Variants in TMEM209 observed in about 807,000 individuals in gnomAD.
TMEM209 encodes the protein testicular tissue protein Li 202.
A neutral mutation model predicts 76.2 loss-of-function variants in TMEM209; 65 were observed. The ratio of observed to expected loss-of-function variants is 0.85; its 90% CI spans 0.70 to 1.05. The LOEUF (loss-of-function observed/expected upper bound fraction) is 1.05. TMEM209 is among the 50% of genes least tolerant of loss of function. TMEM209 has a pLI of 0.00. For missense variants in TMEM209, 623 were observed against 685.5 expected, an observed-to-expected ratio of 0.91 and a Z score of 1.02; for synonymous variants, 239 against 237.6, an observed-to-expected ratio of 1.01 and a Z score of -0.06.
chr7:130,179,644 A>T (rs1797346327), intron 9 of TMEM209, among the ~76,000 whole-genome samples: 1 of 152,236 alleles, frequency 6.6e-6, no homozygotes, highest in Non-Finnish European at 1.5e-5. Context: ...TAGAGTACAA[A>T]CTGGTAAAAG....
chr7:130,178,850 A>C (rs538974734), intron 9 of TMEM209, among the ~76,000 whole-genome samples: 19 of 152,062 alleles, frequency 1.2e-4, no homozygotes, highest in African/African-American at 4.6e-4. Context: ...ATCACCACTC[A>C]CTGCAGCCTC....
intron 6 of TMEM209, 134 bp from the exon 7 acceptor site, chr7:130,185,501 A>T (rs956159988): frequency 2.0e-5 from 15 of 744,326 alleles, no homozygotes; most frequent in African/African-American, 1.7e-5. Context: ...TCCCCAACAT[A>T]ATTTTCTCTT....
rs368539344 is a variant in TMEM209, at chr7:130,192,819, G to A, written c.578C>T (p.Ala193Val). The A allele has an allele frequency of 7.4e-5, 120 of 1,613,410 alleles. No homozygotes were observed. Among genetic ancestry groups the A allele is most frequent in the African/African-American group, 7.3e-4 (55 of 75,012 alleles). Residue 193 changes from alanine to valine, a missense_variant, in exon 6 of 15, where the codon GCG (alanine) becomes GTG (valine). Physicochemically the swap from Ala to Val is moderately conservative, Grantham distance 64. Coordinates refer to ENST00000397622, the MANE Select transcript of TMEM209 (RefSeq NM_032842.4). The part of the protein sequence containing the change: ...YSPVSGYNKL[A>V]SFSPSPPSPY... ...AGAAGGAGGAGAGGGGCTAAAGCTCGCCAACTATACAAAATAAAAGATCTT... is the reference window on the plus strand; with the variant it reads ...AGAAGGAGGAGAGGGGCTAAAGCTCACCAACTATACAAAATAAAAGATCTT...
Position 130,204,087 on chromosome 7 carries a change from A to G in TMEM209, c.27T>C (p.Ser9=), listed in dbSNP as rs1798327301. MMQGEAHP[S]ASLIDRTIKM... is the part of the protein sequence containing the mutation. ...TGATGGTTCTGTCAATAAGGGAAGC[A>G]CTAGGGTGTGCCTCCCCCTGCATCT... The change falls in exon 2 of 15, where the codon AGT becomes AGC. Residue 9 remains serine, a synonymous_variant. Coordinates refer to ENST00000397622, the MANE Select transcript of TMEM209 (RefSeq NM_032842.4). 2 of 1,612,224 alleles carry G rather than the reference A, an allele frequency of 1.2e-6. No homozygotes were observed.
At chr7:130,185,166 T>C in intron 7 of TMEM209, 26 bp downstream of exon 7, 4 of 1,592,982 alleles carry the variant, frequency 2.5e-6, no homozygotes, top group Non-Finnish European at 3.4e-6. Flanking sequence ...ATCATAAATA[T>C]TAAGTCACTT....
In TMEM209 at chr7:130,181,671, C is replaced by CA. The variant is rs751707918; in HGVS notation, c.1071dup (p.Val358CysfsTer19). ...CCCATTCGTCTCATCTGTGTGCTGA[C>CA]AGACTCAATCTCTTGAACAAGTGGC... On this transcript the variant is annotated frameshift_variant, in exon 9 of 15. Transcript: ENST00000397622. LOFTEE classifies it high-confidence loss of function. The CA allele has an allele frequency of 1.2e-6, 2 of 1,612,278 alleles. No homozygotes were observed. The highest frequency in any genetic ancestry group is 2.7e-5 in the African/African-American group (2 of 74,928).
At chr7:130,190,526 G>GA (rs1175781487) in intron 6 of TMEM209, among the ~76,000 whole-genome samples, 58 of 70,084 alleles carry the variant, frequency 8.3e-4, no homozygotes, top group East Asian at 3.8e-3. Flanking sequence ...CTCAAAAAAA[G>GA]AAAAAAAAAA....
chr7:130,196,811 A>AT (rs1797997735), intron 5 of TMEM209, among the ~76,000 whole-genome samples: 1 of 152,214 alleles, frequency 6.6e-6, no homozygotes, highest in Non-Finnish European at 1.5e-5. Context: ...AGCCTGTGGC[A>AT]TTTTTTAATG....
chr7:130,192,947 G>A, intron 5 of TMEM209, 124 bp from the exon 6 acceptor site: 1 of 842,896 alleles, frequency 1.2e-6, no homozygotes, highest in East Asian at 2.7e-5. Context: ...AACATCAAAC[G>A]CTGATGAGGT....
intron 13 of TMEM209, among the ~76,000 whole-genome samples, chr7:130,172,573 T>G (rs1797105520): frequency 6.6e-6 from 1 of 152,160 alleles, no homozygotes; most frequent in Admixed American, 6.5e-5. Flanking sequence ...CTCGATCTCC[T>G]GACTTCGTGA....
At chr7:130,171,201 T>TA (rs930091405) in intron 13 of TMEM209, among the ~76,000 whole-genome samples, 7 of 152,088 alleles carry the variant, frequency 4.6e-5, no homozygotes, top group African/African-American at 1.7e-4. Flanking sequence ...AGTGTTGGGA[T>TA]AAAAAAAGCT....
chr7:130,192,917 C>A, intron 5 of TMEM209, 94 bp from the exon 6 acceptor site: 1 of 1,162,904 alleles, frequency 8.6e-7, no homozygotes, highest in Non-Finnish European at 1.2e-6. Context: ...AGTAGAATGG[C>A]GAAAATCCAC....
At chr7:130,203,754 T>C (rs1351108981) in intron 3 of TMEM209, 34 bp downstream of exon 3, 1 of 1,555,232 alleles carries the variant, frequency 6.4e-7, no homozygotes, top group African/African-American at 1.4e-5. Context: ...TTTTTATTGG[T>C]AAATGTAAGT....
intron 6 of TMEM209, among the ~76,000 whole-genome samples, chr7:130,190,133 C>A (rs1385222148): frequency 1.3e-5 from 2 of 152,108 alleles, no homozygotes; most frequent in African/African-American, 4.8e-5. Flanking sequence ...GAGAAGAAAC[C>A]TTTATCTTAC....
Position 130,181,684 on chromosome 7 carries a change from T to C in TMEM209, c.1059A>G (p.Gln353=). The part of the protein sequence containing the change: ...INETILVPLV[Q]EIESVSTQMR... ...TCTGTGTGCTGACAGACTCAATCTCTTGAACAAGTGGCACTAATATTGTCT... is the reference window on the plus strand; with the variant it reads ...TCTGTGTGCTGACAGACTCAATCTCCTGAACAAGTGGCACTAATATTGTCT... The change falls in exon 9 of 15, where the codon CAA becomes CAG. Residue 353 remains glutamine, a synonymous_variant. Coordinates refer to ENST00000397622, the MANE Select transcript of TMEM209 (RefSeq NM_032842.4). 1.2e-6 allele frequency: 2 copies of C among 1,611,698 alleles called. No homozygotes were observed. The highest frequency in any genetic ancestry group is 1.7e-6 in the Non-Finnish European group (2 of 1,178,948).
intron 6 of TMEM209, chr7:130,192,336 A>C: frequency 2.7e-6 from 1 of 375,536 alleles, no homozygotes; most frequent in Non-Finnish European, 5.0e-6. Context: ...GCACTGCTTC[A>C]AAACATTATT....
At chr7:130,171,033 A>C (rs1394769950) in intron 13 of TMEM209, among the ~76,000 whole-genome samples, 1 of 151,506 alleles carries the variant, frequency 6.6e-6, no homozygotes, top group Non-Finnish European at 1.5e-5. Flanking sequence ...CTGAAAGATG[A>C]GCAGAAAGGT....
intron 6 of TMEM209, among the ~76,000 whole-genome samples, chr7:130,186,384 T>A (rs1797599147): frequency 6.6e-6 from 1 of 152,196 alleles, no homozygotes; most frequent in Non-Finnish European, 1.5e-5. Context: ...CGTTGGTGAA[T>A]GTTTCATGCT....
Position 130,204,093 on chromosome 7 carries a change from G to T in TMEM209, c.21C>A (p.His7Gln), listed in dbSNP as rs1350303249. Residue 7 changes from histidine to glutamine, a missense_variant, in exon 2 of 15, where the codon CAC becomes CAA. Transcript: ENST00000397622. ...TTCTGTCAATAAGGGAAGCACTAGG[G>T]TGTGCCTCCCCCTGCATCTATGAAA... MMQGEAHPSASLIDRTI... is the reference protein window; with the variant it reads MMQGEAQPSASLIDRTI... The T allele has an allele frequency of 6.2e-7, 1 of 1,611,500 alleles. No individual in the cohort carries two copies. The highest frequency in any genetic ancestry group is 8.5e-7 in the Non-Finnish European group (1 of 1,178,938).
Sources: gnomAD v4.1 joint callset for allele counts (sites outside exome capture counted in the v4.1 genomes callset) on GRCh38, gnomAD v4.1.1 for gene constraint, MANE v1.5 for transcripts, NCBI Gene and HGNC (gene_info 2026-07-23, HGNC 2026-07-21) for gene names.